PCSK6: variants seen among roughly 807,000 people sequenced by gnomAD.
PCSK6 encodes the protein proprotein convertase subtilisin/kexin type 6, also known as paired basic amino acid cleaving enzyme 4.
PCSK6 carries 85 observed loss-of-function variants against 123.3 expected under a neutral mutation model. That is an observed-to-expected ratio of 0.69 (90% CI 0.58 to 0.83). The LOEUF (loss-of-function observed/expected upper bound fraction) is 0.83. Among genes scored for constraint, PCSK6 ranks in the 40% least tolerant of loss-of-function variants. The probability of loss-of-function intolerance (pLI) is 0.00; values close to 1 mark genes in which losing one functional copy is unlikely to be tolerated. For synonymous variants in PCSK6, 508 were observed against 516.0 expected, an observed-to-expected ratio of 0.98 and a Z score of 0.21; for missense variants, 1,191 against 1,282.3, an observed-to-expected ratio of 0.93 and a Z score of 1.09.
At chr15:101,481,241 G>A (rs868564877) in intron 1 of PCSK6, among the ~76,000 whole-genome samples, 6 of 152,120 alleles carry the variant, frequency 3.9e-5, no homozygotes, top group Non-Finnish European at 4.4e-5. Context: ...GGGTACATCC[G>A]GCGGGCTGGG....
chr15:101,372,137 C>G (rs1365116314), intron 11 of PCSK6, among the ~76,000 whole-genome samples: 1 of 152,208 alleles, frequency 6.6e-6, no homozygotes, highest in African/African-American at 2.4e-5. Flanking sequence ...TCTTTGAACT[C>G]AGCCCCCGAC....
intron 6 of PCSK6, among the ~76,000 whole-genome samples, chr15:101,405,414 C>T (rs934690556): frequency 6.6e-6 from 1 of 152,034 alleles, no homozygotes; most frequent in Non-Finnish European, 1.5e-5. Context: ...GGGTGTGAGG[C>T]GGGAGGAGTG....
rs117957796 is a variant in PCSK6, at chr15:101,335,474, G to A, written c.1859-3443C>T. On this transcript the variant is annotated intron_variant, in intron 13 of 21. Coordinates refer to ENST00000611716, the MANE Select transcript of PCSK6 (RefSeq NM_002570.5). ...AATGCAAAAGTATAAAAGTGCATAT[G>A]ACGAAGTCTCCCTCCCCATGGGCAA... 6.6e-3 allele frequency among the ~76,000 whole-genome samples: 1,001 copies of A among 152,336 alleles called. 6 individuals are homozygous for A. Among genetic ancestry groups the A allele is most frequent in the Non-Finnish European group, 0.011 (734 of 68,030 alleles).
At chr15:101,308,948 G>T (rs947996381) in intron 20 of PCSK6, 1 of 152,378 alleles carries the variant, frequency 6.6e-6, no homozygotes. Context: ...CACGGCTGAG[G>T]GCTGCTTCAT....
At chr15:101,369,908 TG>T (rs2041525706) in intron 12 of PCSK6, among the ~76,000 whole-genome samples, 2 of 152,196 alleles carry the variant, frequency 1.3e-5, no homozygotes, top group Admixed American at 6.5e-5. Flanking sequence ...AGCCCACGAC[TG>T]GGTGGGAGAG....
intron 19 of PCSK6, among the ~76,000 whole-genome samples, chr15:101,316,911 T>G (rs950222494): frequency 1.6e-5 from 1 of 60,678 alleles, no homozygotes; most frequent in Admixed American, 1.6e-4. Context: ...CTTAATTCTG[T>G]TTTTTTTTTT....
At chr15:101,351,390 G>C (rs918473507) in intron 13 of PCSK6, among the ~76,000 whole-genome samples, 1 of 152,190 alleles carries the variant, frequency 6.6e-6, no homozygotes, top group Non-Finnish European at 1.5e-5. Context: ...ATTTAGCAAG[G>C]AAGTTGTTCC....
At chr15:101,440,467 A>G (rs1367475691) in intron 2 of PCSK6, among the ~76,000 whole-genome samples, 1 of 152,206 alleles carries the variant, frequency 6.6e-6, no homozygotes, top group Non-Finnish European at 1.5e-5. Flanking sequence ...TGTACATTCT[A>G]TCTGCTTTTA....
chr15:101,426,353 C>G (rs2056254324), intron 6 of PCSK6, among the ~76,000 whole-genome samples: 1 of 152,188 alleles, frequency 6.6e-6, no homozygotes, highest in Non-Finnish European at 1.5e-5. Context: ...GACACACAGA[C>G]AGTGAGTGGT....
intron 6 of PCSK6, among the ~76,000 whole-genome samples, chr15:101,404,437 G>A (rs1344162709): frequency 6.6e-6 from 1 of 152,174 alleles, no homozygotes. Flanking sequence ...CCATCTCCAT[G>A]GCTGTGTCAG....
intron 2 of PCSK6, 134 bp downstream of exon 2, chr15:101,443,422 T>C: frequency 1.6e-6 from 1 of 630,612 alleles, no homozygotes; most frequent in Non-Finnish European, 2.8e-6. Context: ...TAGCTACACC[T>C]GTCTTGCTGT....
At chr15:101,366,057 G>T in intron 13 of PCSK6, 139 bp downstream of exon 13, 1 of 887,136 alleles carries the variant, frequency 1.1e-6, no homozygotes, top group Non-Finnish European at 1.7e-6. Flanking sequence ...AATTAAAATG[G>T]TGAATTTTCT....
chr15:101,307,399 T>TCACCTCCCTG, intron 20 of PCSK6, 74 bp from the exon 21 acceptor site: 1 of 1,068,800 alleles, frequency 9.4e-7, no homozygotes, highest in Non-Finnish European at 1.4e-6. Context: ...CCCAGAACCC[T>TCACCTCCCTG]CACCTCCCTG....
At chr15:101,489,231 G>C in intron 1 of PCSK6, 143 bp downstream of exon 1, 1 of 379,900 alleles carries the variant, frequency 2.6e-6, no homozygotes, top group Non-Finnish European at 3.4e-6. Flanking sequence ...CGCCCCGGCC[G>C]CCCGCCGTCC....
intron 8 of PCSK6, among the ~76,000 whole-genome samples, chr15:101,391,803 C>A (rs558228453): frequency 2.2e-5 from 2 of 88,910 alleles, no homozygotes; most frequent in South Asian, 6.1e-4. Flanking sequence ...GAAAATAACA[C>A]CCCTCCTGTC....
chr15:101,349,903 G>A (rs971714513), intron 13 of PCSK6, among the ~76,000 whole-genome samples: 4 of 151,922 alleles, frequency 2.6e-5, no homozygotes, highest in Non-Finnish European at 5.9e-5. Flanking sequence ...TTGTGTTTTC[G>A]TTTATTTTTT....
At chr15:101,401,430 C>T (rs944976590) in intron 6 of PCSK6, among the ~76,000 whole-genome samples, 19 of 152,254 alleles carry the variant, frequency 1.2e-4, no homozygotes, top group Non-Finnish European at 2.1e-4. Flanking sequence ...GGGTAGCCAC[C>T]AGTGTCCAGG....
intron 6 of PCSK6, among the ~76,000 whole-genome samples, chr15:101,419,935 C>A (rs985735694): frequency 6.6e-6 from 1 of 152,086 alleles, no homozygotes; most frequent in Admixed American, 6.5e-5. Context: ...ACCTGTAATC[C>A]CAGTACTTTG....
chr15:101,348,500 C>G (rs915206743), intron 13 of PCSK6, among the ~76,000 whole-genome samples: 1 of 152,148 alleles, frequency 6.6e-6, no homozygotes, highest in Non-Finnish European at 1.5e-5. Flanking sequence ...CGTGAGACAC[C>G]GTCACAGCAC....
Sources: gnomAD v4.1 joint callset for allele counts (sites outside exome capture counted in the v4.1 genomes callset) on GRCh38, gnomAD v4.1.1 for gene constraint, MANE v1.5 for transcripts, NCBI Gene and HGNC (gene_info 2026-07-23, HGNC 2026-07-21) for gene names.